Variants in NYAP1 observed in about 807,000 individuals in gnomAD.
NYAP1 encodes neuronal tyrosine phosphorylated phosphoinositide-3-kinase adaptor 1.
In NYAP1, 20 loss-of-function variants were observed where a neutral mutation model predicts 58.6. The ratio of observed to expected loss-of-function variants is 0.34; its 90% CI spans 0.24 to 0.50. The LOEUF is 0.50. Ranked by LOEUF, NYAP1 falls within the 20% of genes least tolerant of loss-of-function variation. NYAP1 has a pLI of 0.98. For synonymous variants in NYAP1, 572 were observed against 523.1 expected, an observed-to-expected ratio of 1.09 and a Z score of -1.27; for missense variants, 1,150 against 1,194.5, an observed-to-expected ratio of 0.96 and a Z score of 0.55.
chr7:100,493,081 C>T (rs891002148), intron 6 of NYAP1, among the ~76,000 whole-genome samples: 3 of 152,164 alleles, frequency 2.0e-5, no homozygotes, highest in African/African-American at 7.2e-5. Context: ...TAGTTGATAC[C>T]TGTGATCCCA....
Position 100,489,442 on chromosome 7 carries a change from A to G in NYAP1, c.1721A>G (p.Asn574Ser), listed in dbSNP as rs1247513112. The G allele has an allele frequency of 1.2e-6, 2 of 1,612,910 alleles. No individual in the cohort carries two copies. The highest frequency in any genetic ancestry group is 1.1e-5 in the South Asian group (1 of 91,070). The change falls in exon 4 of 7, where the codon AAT (asparagine) becomes AGT (serine). Residue 574 changes from asparagine (N) to serine (S), a missense_variant. Coordinates refer to ENST00000300179, the MANE Select transcript of NYAP1 (RefSeq NM_173564.4). Reference protein sequence around the residue: ...YESLKAGGVLNKGCGVGAPSP... With the variant: ...YESLKAGGVLSKGCGVGAPSP... ...AGCCTCAAGGCTGGGGGGGTGCTGA[A>G]TAAGGGCTGTGGTGTGGGGGCCCCA...
chr7:100,490,072 C>T lies in NYAP1; in HGVS notation c.1945+406C>T, dbSNP rs1483493518. ...CCTACCGTTGCCTGGCAACGCAATG[C>T]TCTGCCAGGCCTCCTCTCAGAGATG... On this transcript the variant is annotated intron_variant, in intron 4 of 6. Coordinates refer to ENST00000300179, the MANE Select transcript of NYAP1 (RefSeq NM_173564.4). This position sits in a 1 kb window ranked among gnomAD's most constrained non-coding sequence, Gnocchi z 4.6. Among the ~76,000 whole-genome samples the T allele has an allele frequency of 6.6e-6, 1 of 152,032 alleles. No homozygotes were observed. Among genetic ancestry groups the T allele is most frequent in the African/African-American group, 2.4e-5 (1 of 41,384 alleles).
Position 100,488,236 on chromosome 7 carries a change from T to C in NYAP1, c.515T>C (p.Leu172Pro). The C allele has an allele frequency of 1.2e-6, 2 of 1,613,764 alleles. No homozygotes were observed. The highest frequency in any genetic ancestry group is 1.7e-6 in the Non-Finnish European group (2 of 1,179,884). ...QKPRRSPNTQ[L>P]SVSFDESCPP... is the part of the protein sequence containing the mutation. ...CCCAGGCGAAGCCCTAACACCCAGC[T>C]CTCTGTCTCCTTCGATGAGTCCTGC... Residue 172 changes from leucine to proline, a missense_variant, in exon 4 of 7, where the codon CTC (leucine) becomes CCC (proline). Coordinates refer to ENST00000300179, the MANE Select transcript of NYAP1 (RefSeq NM_173564.4). The surrounding 1 kb of genome is among the most constrained non-coding windows in gnomAD (Gnocchi z 5.9).
rs768848001 is a variant in NYAP1, at chr7:100,488,955, C to G, written c.1234C>G (p.Pro412Ala). The G allele has an allele frequency of 6.4e-7, 1 of 1,573,052 alleles. No individual in the cohort carries two copies. The highest frequency in any genetic ancestry group is 8.6e-7 in the Non-Finnish European group (1 of 1,166,976). ...CCGGAGCCACTCGACACCGTTGCCA[C>G]CCCAGGGCTCTGGCCAGCCCCGGGG... ...RARSHSTPLP[P>A]QGSGQPRGER... The change falls in exon 4 of 7, where the codon CCC becomes GCC. Residue 412 changes from proline to alanine, a missense_variant. By Grantham distance (27) the Pro-to-Ala change is conservative. Transcript: ENST00000300179. This position sits in a 1 kb window ranked among gnomAD's most constrained non-coding sequence, Gnocchi z 5.9.
rs947601261 is a variant in NYAP1 at position 100,486,385 on chromosome 7, G to A, written c.69-436G>A. Among the ~76,000 whole-genome samples, 17 of 152,100 alleles carry A rather than the reference G, an allele frequency of 1.1e-4. No individual in the cohort carries two copies. The highest frequency in any genetic ancestry group is 5.2e-4 in the Admixed American group (8 of 15,272). ...ATCTGGGAGAGGAGGTGTGCCGTGG[G>A]GGCAGAGGTCACAGTGGCTGGGCAG... On this transcript the variant is annotated intron_variant, in intron 2 of 6. Coordinates refer to ENST00000300179, the MANE Select transcript of NYAP1 (RefSeq NM_173564.4). The surrounding 1 kb of genome is among the most constrained non-coding windows in gnomAD (Gnocchi z 6.2).
chr7:100,492,104 G>A (rs1331442731), intron 6 of NYAP1, among the ~76,000 whole-genome samples: 3 of 150,728 alleles, frequency 2.0e-5, no homozygotes, highest in Non-Finnish European at 3.0e-5. Context: ...CTGGACATTG[G>A]GGCAGGCACC....
chr7:100,485,486 T>A lies in NYAP1; in HGVS notation c.68+107T>A. The A allele has an allele frequency of 2.4e-6, 2 of 816,854 alleles. No individual in the cohort carries two copies. The highest frequency in any genetic ancestry group is 4.0e-6 in the Non-Finnish European group (2 of 496,808). 50.6% of individuals were successfully genotyped at this position (816,854 alleles called of 1,614,324 possible). A position where few individuals can be genotyped will look rare whatever the true frequency, so the allele number is the denominator to read the frequency against. ...CGGCAGCCTTGTCATGAGTGAGCTC[T>A]CTGATCTCAGAGTCAGTACGGAATG... On this transcript the variant is annotated intron_variant, in intron 2 of 6. Transcript: ENST00000300179. The surrounding 1 kb of genome is among the most constrained non-coding windows in gnomAD (Gnocchi z 5.7).
Position 100,490,325 on chromosome 7 carries a change from T to C in NYAP1, c.1946-192T>C, listed in dbSNP as rs918556889. On this transcript the variant is annotated intron_variant, in intron 4 of 6. Coordinates refer to ENST00000300179, the MANE Select transcript of NYAP1 (RefSeq NM_173564.4). This position sits in a 1 kb window ranked among gnomAD's most constrained non-coding sequence, Gnocchi z 4.6. ...TCTCAGCCCCAAGAGATGGTACCAATGGGTGGAAAGGAAGGGGTGTGTGTG... is the reference window on the plus strand; with the variant it reads ...TCTCAGCCCCAAGAGATGGTACCAACGGGTGGAAAGGAAGGGGTGTGTGTG... Among the ~76,000 whole-genome samples the C allele has an allele frequency of 6.6e-6, 1 of 151,970 alleles. No homozygotes were observed. The highest frequency in any genetic ancestry group is 1.5e-5 in the Non-Finnish European group (1 of 67,974).
In NYAP1 at chr7:100,489,081, A is replaced by G. The variant is rs759838068; in HGVS notation, c.1360A>G (p.Lys454Glu). The G allele has an allele frequency of 4.5e-6, 7 of 1,541,230 alleles. No homozygotes were observed. Among genetic ancestry groups the G allele is most frequent in the Non-Finnish European group, 6.1e-6 (7 of 1,140,460 alleles). ...APAALLPGPP[K>E]DKAVSYTMVY... Reference sequence around the variant, plus strand: ...GGCCGCCTTGCTCCCCGGCCCCCCCAAGGACAAGGCCGTGTCTTACACCAT... The same window carrying G: ...GGCCGCCTTGCTCCCCGGCCCCCCCGAGGACAAGGCCGTGTCTTACACCAT... Residue 454 changes from lysine to glutamate, a missense_variant, in exon 4 of 7, where the codon AAG becomes GAG. Coordinates refer to ENST00000300179, the MANE Select transcript of NYAP1 (RefSeq NM_173564.4).
intron 6 of NYAP1, among the ~76,000 whole-genome samples, chr7:100,492,502 C>T (rs565532493): frequency 1.4e-4 from 22 of 152,212 alleles, no homozygotes; most frequent in African/African-American, 4.3e-4. Context: ...GAGGCAGAGA[C>T]GGGAGGATCG....
At position 100,485,073 on chromosome 7, in the gene NYAP1, G is replaced by C. The variant is rs142244556; in HGVS notation, c.-84-155G>C. Among the ~76,000 whole-genome samples the C allele has an allele frequency of 2.0e-5, 3 of 152,122 alleles. No individual in the cohort carries two copies. In the South Asian group the frequency reaches 6.2e-4, roughly 31 times the overall value. ...TGTCGGGGTCTGTGTCTGTCTGTCT[G>C]TGGGTCCTCGAAGCTGTGTTGGGTT... On this transcript the variant is annotated intron_variant, in intron 1 of 6. Transcript: ENST00000300179. This position sits in a 1 kb window ranked among gnomAD's most constrained non-coding sequence, Gnocchi z 5.7.
At position 100,489,414 on chromosome 7, in the gene NYAP1, G is replaced by C. The variant is rs945499348; in HGVS notation, c.1693G>C (p.Glu565Gln). 6.2e-7 allele frequency: 1 copy of C among 1,612,924 alleles called. No individual in the cohort carries two copies. Among genetic ancestry groups the C allele is most frequent in the Non-Finnish European group, 8.5e-7 (1 of 1,179,936 alleles). Residue 565 changes from glutamate to glutamine, a missense_variant, in exon 4 of 7, where the codon GAG becomes CAG. Glu to Gln is a conservative substitution (Grantham distance 29). Coordinates refer to ENST00000300179, the MANE Select transcript of NYAP1 (RefSeq NM_173564.4). Reference sequence around the variant, plus strand: ...TGGGCTCAAGAGACCCCCTGCCTATGAGAGCCTCAAGGCTGGGGGGGTGCT... The same window carrying C: ...TGGGCTCAAGAGACCCCCTGCCTATCAGAGCCTCAAGGCTGGGGGGGTGCT... The part of the protein sequence containing the change: ...AAGLKRPPAY[E>Q]SLKAGGVLNK...
In NYAP1 at chr7:100,490,437, A is replaced by G. The variant is rs943066417; in HGVS notation, c.1946-80A>G. ...GGCAATTGTGTCTCCTGGTCCACCC[A>G]TACTGCAGCATGTGTGGCCAGAGGG... On this transcript the variant is annotated intron_variant, in intron 4 of 6. Coordinates refer to ENST00000300179, the MANE Select transcript of NYAP1 (RefSeq NM_173564.4). The surrounding 1 kb of genome is among the most constrained non-coding windows in gnomAD (Gnocchi z 4.6). 7.4e-7 allele frequency: 1 copy of G among 1,353,766 alleles called. No individual in the cohort carries two copies. The highest frequency in any genetic ancestry group is 1.3e-5 in the South Asian group (1 of 79,850). The allele number at this position is 1,353,766 out of a possible 1,614,324, so 83.9% of individuals were successfully genotyped here.
Position 100,493,816 on chromosome 7 carries a change from C to T in NYAP1, c.2439C>T (p.Pro813=), listed in dbSNP as rs557395606. ...AGCAGGAGAGCATGCCCATCCTCCCCAGCTGGCGGCGGGGACCCGAGCCCC... is the reference window on the plus strand; with the variant it reads ...AGCAGGAGAGCATGCCCATCCTCCCTAGCTGGCGGCGGGGACCCGAGCCCC... ...LCKQESMPIL[P]SWRRGPEPRK... Residue 813 remains proline (P), a synonymous_variant, in exon 7 of 7, where the codon CCC becomes CCT. Coordinates refer to ENST00000300179, the MANE Select transcript of NYAP1 (RefSeq NM_173564.4). The T allele has an allele frequency of 1.3e-6, 2 of 1,586,798 alleles. No individual in the cohort carries two copies. Among genetic ancestry groups the T allele is most frequent in the East Asian group, 4.7e-5 (2 of 42,908 alleles).
Position 100,490,507 on chromosome 7 carries a change from AT to A in NYAP1, c.1946-9del. ...ATGCAGGCACACAGCTCTCCTTGTC[AT>A]CCCAGCAGAGGTCGAGGACGGTGCC... On this transcript the variant is annotated splice_polypyrimidine_tract_variant and intron_variant, in intron 4 of 6. Coordinates refer to ENST00000300179, the MANE Select transcript of NYAP1 (RefSeq NM_173564.4). The surrounding 1 kb of genome is among the most constrained non-coding windows in gnomAD (Gnocchi z 4.6). 6.4e-7 allele frequency: 1 copy of A among 1,572,864 alleles called. No homozygotes were observed. Among genetic ancestry groups the A allele is most frequent in the South Asian group, 1.2e-5 (1 of 85,592 alleles).
In NYAP1 at chr7:100,489,349, G is replaced by A. The variant is rs1799759087; in HGVS notation, c.1628G>A (p.Gly543Asp). The change falls in exon 4 of 7, where the codon GGC becomes GAC. Residue 543 changes from glycine (G) to aspartate (D), a missense_variant. By Grantham distance (94) the Gly-to-Asp change is moderately conservative. Transcript: ENST00000300179. ...CACAGCCTTCCGGACCCAACTGTAG[G>A]CCCCCTGACCCCGCTGTGGACCTAC... is the stretch of plus-strand genomic sequence containing the variant. ...SPHSLPDPTV[G>D]PLTPLWTYPA... 1.9e-6 allele frequency: 3 copies of A among 1,611,372 alleles called. No individual in the cohort carries two copies. The highest frequency in any genetic ancestry group is 2.7e-5 in the African/African-American group (2 of 74,962).
In NYAP1 at chr7:100,487,249, G is replaced by A; in HGVS notation, c.430+67G>A. 1 of 1,429,016 alleles carries A rather than the reference G, an allele frequency of 7.0e-7. No homozygotes were observed. Among genetic ancestry groups the A allele is most frequent in the East Asian group, 2.7e-5 (1 of 37,488 alleles). The allele number at this position is 1,429,016 out of a possible 1,614,324, so 88.5% of individuals were successfully genotyped here. On this transcript the variant is annotated intron_variant, in intron 3 of 6. Transcript: ENST00000300179. This position sits in a 1 kb window ranked among gnomAD's most constrained non-coding sequence, Gnocchi z 4.1. ...TGGGAGGATCTATTCCACGCCCGGGGAGGCTTGCCGGGAGGGTTCATTCAG... is the reference window on the plus strand; with the variant it reads ...TGGGAGGATCTATTCCACGCCCGGGAAGGCTTGCCGGGAGGGTTCATTCAG...
At position 100,493,696 on chromosome 7, in the gene NYAP1, C is replaced by T; in HGVS notation, c.2319C>T (p.Arg773=). Residue 773 remains arginine, a synonymous_variant, in exon 7 of 7, where the codon CGC becomes CGT. Transcript: ENST00000300179. ...LPLPLPPQPA[R]ERDGKLLEVI... ...TGCCCCTGCCGCCCCAGCCGGCCCG[C>T]GAGCGTGACGGGAAGCTGCTGGAGG... is the stretch of plus-strand genomic sequence containing the variant. The T allele has an allele frequency of 6.3e-7, 1 of 1,594,188 alleles. No individual in the cohort carries two copies. The highest frequency in any genetic ancestry group is 8.5e-7 in the Non-Finnish European group (1 of 1,174,408).
rs760736118 is a variant in NYAP1, at chr7:100,487,187, G to T, written c.430+5G>T. ...CGCCCCCCAGCAAGAAAGCAGGTGA[G>T]ATACCCCCTATCTCTCCCTGGGGTG... is the stretch of plus-strand genomic sequence containing the variant. On this transcript the variant is annotated splice_donor_5th_base_variant and intron_variant, in intron 3 of 6. Coordinates refer to ENST00000300179, the MANE Select transcript of NYAP1 (RefSeq NM_173564.4). This position sits in a 1 kb window ranked among gnomAD's most constrained non-coding sequence, Gnocchi z 4.1. 6.7e-7 allele frequency: 1 copy of T among 1,484,018 alleles called. No individual in the cohort carries two copies. The highest frequency in any genetic ancestry group is 8.9e-7 in the Non-Finnish European group (1 of 1,118,526). 91.9% of individuals were successfully genotyped at this position (1,484,018 alleles called of 1,614,324 possible). A position where few individuals can be genotyped will look rare whatever the true frequency, so the allele number is the denominator to read the frequency against.
Sources: allele counts gnomAD v4.1 joint callset (sites outside exome capture counted in the v4.1 genomes callset), GRCh38; gene constraint gnomAD v4.1.1; non-coding constraint Gnocchi (gnomAD v3.1); transcripts MANE v1.5; gene names NCBI Gene and HGNC (gene_info 2026-07-23, HGNC 2026-07-21).